Variants in CLVS2 observed in about 807,000 individuals in gnomAD.
The protein encoded by CLVS2 is clavesin 2.
CLVS2 carries 19 observed loss-of-function variants against 29.0 expected under a neutral mutation model. The observed-to-expected ratio is 0.66, with a 90% CI of 0.46 to 0.96. The LOEUF (loss-of-function observed/expected upper bound fraction) is 0.96, where lower values mean the gene tolerates loss of function less well. CLVS2 is among the 40% of genes least tolerant of loss of function. The pLI is 0.00. For synonymous variants in CLVS2, 161 were observed against 151.3 expected (o/e 1.06, Z -0.47); for missense variants, 294 against 404.1 (o/e 0.73, Z 2.34).
intron 3 of CLVS2, among the ~76,000 whole-genome samples, chr6:123,046,475 C>T (rs555543640): frequency 4.6e-5 from 7 of 152,088 alleles, no homozygotes; most frequent in South Asian, 2.1e-4. Context: ...GCCTGACCAA[C>T]GTGGTGAAAC....
Position 122,997,963 on chromosome 6 carries a change from G to T in CLVS2, c.186G>T (p.Lys62Asn). 6.2e-7 allele frequency: 1 copy of T among 1,614,150 alleles called. No individual in the cohort carries two copies. Among genetic ancestry groups the T allele is most frequent in the Non-Finnish European group, 8.5e-7 (1 of 1,179,996 alleles). Residue 62 changes from lysine (K) to asparagine (N), a missense_variant, in exon 2 of 6, where the codon AAG becomes AAT. Transcript: ENST00000275162. ...TCTTACGCTTCTTGCGGGCTAGGAA[G>T]TTTCATCACTTTGAGGCCTTCCGCC... ...AFILRFLRARKFHHFEAFRLL... is the reference protein window; with the variant it reads ...AFILRFLRARNFHHFEAFRLL...
intron 3 of CLVS2, among the ~76,000 whole-genome samples, chr6:123,038,576 A>G (rs1775186398): frequency 6.6e-6 from 1 of 152,200 alleles, no homozygotes; most frequent in Non-Finnish European, 1.5e-5. Flanking sequence ...AGAATAAAGT[A>G]AGTCATCTAT....
Position 122,997,576 on chromosome 6 carries a change from C to A in CLVS2, c.-202C>A, listed in dbSNP as rs886623243. 1.7e-5 allele frequency: 10 copies of A among 604,590 alleles called. No individual in the cohort carries two copies. The highest frequency in any genetic ancestry group is 2.7e-5 in the Non-Finnish European group (9 of 338,412). The allele number at this position is 604,590 out of a possible 1,614,324, so 37.5% of individuals were successfully genotyped here. ...AGGGGGCAGAGGAAGAAGTTTACAC[C>A]CCCCGGCCCCCCCAGCTTTGCTGGG... On this transcript the variant is annotated 5_prime_UTR_variant, in exon 2 of 6. Transcript: ENST00000275162.
At chr6:123,023,019 G>T (rs764056900) in intron 3 of CLVS2, among the ~76,000 whole-genome samples, 1 of 152,072 alleles carries the variant, frequency 6.6e-6, no homozygotes, top group Non-Finnish European at 1.5e-5. Flanking sequence ...GGAAAGGGAA[G>T]TGAAAACACT....
rs1359054461 is a variant in CLVS2, at chr6:123,069,366, A to T, written c.*5605A>T. On this transcript the variant is annotated 3_prime_UTR_variant, in exon 6 of 6. Coordinates refer to ENST00000275162, the MANE Select transcript of CLVS2 (RefSeq NM_001010852.4). ...AATATGATGTGAAATTAAAAAAAAA[A>T]TTCAGCCTGATTTGAGAAAGAATGC... The T allele has an allele frequency of 6.6e-6, 1 of 151,768 alleles. No individual in the cohort carries two copies. The highest frequency in any genetic ancestry group is 2.4e-5 in the African/African-American group (1 of 41,358). 9.4% of individuals were successfully genotyped at this position (151,768 alleles called of 1,614,324 possible). A position where few individuals can be genotyped will look rare whatever the true frequency, so the allele number is the denominator to read the frequency against.
At chr6:123,021,561 T>C (rs541529318) in intron 3 of CLVS2, among the ~76,000 whole-genome samples, 1 of 152,250 alleles carries the variant, frequency 6.6e-6, no homozygotes, top group East Asian at 1.9e-4. Context: ...ATAAATGTTT[T>C]ATTTTTATTT....
intron 2 of CLVS2, among the ~76,000 whole-genome samples, chr6:123,005,599 T>G (rs1774656091): frequency 6.6e-6 from 1 of 152,192 alleles, no homozygotes; most frequent in Non-Finnish European, 1.5e-5. Context: ...ATCTTTGCAC[T>G]GACTGAAAGC....
intron 4 of CLVS2, 57 bp from the exon 5 acceptor site, chr6:123,055,746 TTAG>T: frequency 8.3e-7 from 1 of 1,201,498 alleles, no homozygotes; most frequent in South Asian, 1.2e-5. Flanking sequence ...CCTGTAGGAT[TTAG>T]ATGGTATTTA....
At chr6:123,004,269 C>A (rs1018807010) in intron 2 of CLVS2, among the ~76,000 whole-genome samples, 1 of 152,128 alleles carries the variant, frequency 6.6e-6, no homozygotes, top group Non-Finnish European at 1.5e-5. Flanking sequence ...GCAATAGATG[C>A]AAAAGTTTTT....
chr6:123,044,823 CA>C (rs1189076110), intron 3 of CLVS2, among the ~76,000 whole-genome samples: 1 of 152,118 alleles, frequency 6.6e-6, no homozygotes, highest in Non-Finnish European at 1.5e-5. Flanking sequence ...TATTTAGGAA[CA>C]AAGGTAGTTT....
At chr6:123,038,914 G>A (rs183003161) in intron 3 of CLVS2, among the ~76,000 whole-genome samples, 2 of 152,156 alleles carry the variant, frequency 1.3e-5, no homozygotes, top group East Asian at 3.9e-4. Context: ...TATAACTGAT[G>A]TCTGGAAGCA....
chr6:123,061,483 C>T (rs1772777607), intron 5 of CLVS2, among the ~76,000 whole-genome samples: 1 of 152,072 alleles, frequency 6.6e-6, no homozygotes, highest in Non-Finnish European at 1.5e-5. Context: ...CTTGGGACAA[C>T]TAAATACCAA....
chr6:123,028,419 G>A lies in CLVS2; in HGVS notation c.564+17260G>A, dbSNP rs201635259. Among the ~76,000 whole-genome samples the A allele has an allele frequency of 3.4e-4, 52 of 152,294 alleles. No homozygotes were observed. In the East Asian group the frequency reaches 8.7e-3, roughly 25 times the overall value. On this transcript the variant is annotated intron_variant, in intron 3 of 5. Coordinates refer to ENST00000275162, the MANE Select transcript of CLVS2 (RefSeq NM_001010852.4). ...TCATGCCTGTAATCCCAGCAGTTTG[G>A]GAGGCCGAGGCAAGCGGATTGCTTG...
At chr6:123,002,226 C>A (rs973803748) in intron 2 of CLVS2, among the ~76,000 whole-genome samples, 3 of 152,124 alleles carry the variant, frequency 2.0e-5, no homozygotes, top group African/African-American at 7.2e-5. Flanking sequence ...TGGTCTTTGG[C>A]TTATCATAGT....
intron 3 of CLVS2, among the ~76,000 whole-genome samples, chr6:123,026,247 T>A (rs1774999544): frequency 6.6e-6 from 1 of 152,144 alleles, no homozygotes. Context: ...ATGGACACAA[T>A]GCTTATATGA....
At chr6:123,028,976 C>A (rs1221391590) in intron 3 of CLVS2, among the ~76,000 whole-genome samples, 2 of 152,092 alleles carry the variant, frequency 1.3e-5, no homozygotes, top group Admixed American at 6.6e-5. Context: ...AAAGGTGGAG[C>A]CCTCATGGTA....
chr6:123,040,472 G>A (rs1775212541), intron 3 of CLVS2, among the ~76,000 whole-genome samples: 1 of 152,168 alleles, frequency 6.6e-6, no homozygotes, highest in South Asian at 2.1e-4. Context: ...GTAACGTTGT[G>A]TTCTCCCCGC....
intron 3 of CLVS2, among the ~76,000 whole-genome samples, chr6:123,031,448 G>A (rs551479238): frequency 3.1e-4 from 47 of 152,246 alleles, no homozygotes; most frequent in Admixed American, 8.5e-4. Context: ...GTACAGCATG[G>A]GGACTATACT....
chr6:123,019,072 T>C (rs1774883777), intron 3 of CLVS2, among the ~76,000 whole-genome samples: 1 of 152,074 alleles, frequency 6.6e-6, no homozygotes, highest in South Asian at 2.1e-4. Flanking sequence ...TTTTATTCCT[T>C]TTCCCTGTAG....
Sources: gnomAD v4.1 joint callset for allele counts (sites outside exome capture counted in the v4.1 genomes callset) on GRCh38, gnomAD v4.1.1 for gene constraint, MANE v1.5 for transcripts, NCBI Gene and HGNC (gene_info 2026-07-23, HGNC 2026-07-21) for gene names.